The following EXOC4 variants were observed in gnomAD, a reference collection of about 807,000 sequenced individuals.
EXOC4 encodes the protein SEC8-like 1.
Under a neutral mutation model 107.2 loss-of-function variants are expected in EXOC4, and 71 were observed. That is an observed-to-expected ratio of 0.66 (90% CI 0.55 to 0.81). EXOC4 has a LOEUF of 0.81. Ranked by LOEUF, EXOC4 falls within the 30% of genes least tolerant of loss-of-function variation. EXOC4 has a pLI of 0.00. For synonymous variants in EXOC4, 456 were observed against 441.2 expected, an observed-to-expected ratio of 1.03 and a Z score of -0.42; for missense variants, 1,108 against 1,189.6, an observed-to-expected ratio of 0.93 and a Z score of 1.01.
chr7:133,916,814 A>G (rs1459286757), intron 12 of EXOC4, among the ~76,000 whole-genome samples: 1 of 152,200 alleles, frequency 6.6e-6, no homozygotes, highest in African/African-American at 2.4e-5. Flanking sequence ...AGTATTGCTG[A>G]CGAGGATATT....
At chr7:133,797,651 GT>G (rs1208791408) in intron 10 of EXOC4, among the ~76,000 whole-genome samples, 1 of 152,178 alleles carries the variant, frequency 6.6e-6, no homozygotes, top group African/African-American at 2.4e-5. Flanking sequence ...TGGGGAAGAA[GT>G]AGTAAAGACA....
rs181767900 is a variant in EXOC4 at position 133,991,780 on chromosome 7, C to T, written c.2207-5712C>T. Among the ~76,000 whole-genome samples, 28 of 152,222 alleles carry T rather than the reference C, an allele frequency of 1.8e-4. No homozygotes were observed. In the East Asian group the frequency reaches 5.0e-3, roughly 27 times the overall value. ...GGCTGTTAAGTGTGTGAGTTTATTT[C>T]TGGGTTCTCTATTCTGTTCCATTGG... is the stretch of plus-strand genomic sequence containing the variant. On this transcript the variant is annotated intron_variant, in intron 14 of 17. Transcript: ENST00000253861.
chr7:133,656,800 A>G (rs1271935257), intron 10 of EXOC4, among the ~76,000 whole-genome samples: 1 of 152,204 alleles, frequency 6.6e-6, no homozygotes, highest in Non-Finnish European at 1.5e-5. Flanking sequence ...ATGATATAGT[A>G]TAGCTTTGTA....
chr7:133,787,067 G>C (rs979860415), intron 10 of EXOC4, among the ~76,000 whole-genome samples: 1 of 151,960 alleles, frequency 6.6e-6, no homozygotes, highest in African/African-American at 2.4e-5. Flanking sequence ...TGCTTTAGGC[G>C]TAAAAGATTC....
At chr7:133,771,617 G>A (rs1355749432) in intron 10 of EXOC4, 2 of 151,960 alleles carry the variant, frequency 1.3e-5, no homozygotes, top group Non-Finnish European at 2.9e-5. Context: ...AGAAAATAAG[G>A]CTTGTAAGTA....
intron 10 of EXOC4, among the ~76,000 whole-genome samples, chr7:133,680,724 T>TA (rs1412413197): frequency 1.3e-5 from 2 of 152,230 alleles, no homozygotes; most frequent in African/African-American, 4.8e-5. Flanking sequence ...TGAATACATT[T>TA]AAGCCCCTAA....
chr7:133,516,848 G>A (rs1391637459), intron 9 of EXOC4, among the ~76,000 whole-genome samples: 2 of 136,230 alleles, frequency 1.5e-5, no homozygotes, highest in Non-Finnish European at 3.1e-5. Flanking sequence ...TGTCTTCAAG[G>A]TGAGTTGTTT....
At chr7:133,799,983 T>A (rs896266691) in intron 10 of EXOC4, among the ~76,000 whole-genome samples, 15 of 152,230 alleles carry the variant, frequency 9.9e-5, no homozygotes, top group African/African-American at 3.6e-4. Flanking sequence ...GCTGTAGCTT[T>A]ATAGAAGGCA....
At chr7:133,354,088 C>A (rs1390267970) in intron 5 of EXOC4, among the ~76,000 whole-genome samples, 2 of 151,680 alleles carry the variant, frequency 1.3e-5, no homozygotes, top group Non-Finnish European at 2.9e-5. Context: ...TTAAAAAAAA[C>A]TTTTTAAAAG....
chr7:133,406,350 T>A (rs931791808), intron 7 of EXOC4, among the ~76,000 whole-genome samples: 3 of 148,796 alleles, frequency 2.0e-5, no homozygotes, highest in African/African-American at 7.3e-5. Context: ...GAAAATCACT[T>A]TTTTTTTGTA....
chr7:133,917,581 A>G lies in EXOC4; in HGVS notation c.1872-2A>G, dbSNP rs1232169936. 2 of 1,613,660 alleles carry G rather than the reference A, an allele frequency of 1.2e-6. No homozygotes were observed. The highest frequency in any genetic ancestry group is 2.7e-5 in the African/African-American group (2 of 74,916). On this transcript the variant is annotated splice_acceptor_variant, in intron 12 of 17. Transcript: ENST00000253861. LOFTEE classifies it high-confidence loss of function. Reference sequence around the variant, plus strand: ...TGTCTCTTTTCTATTGGCTGTGTTTAGGGGTATTGTCCAGTCAGAAGAAAA... The same window carrying G: ...TGTCTCTTTTCTATTGGCTGTGTTTGGGGGTATTGTCCAGTCAGAAGAAAA...
intron 9 of EXOC4, among the ~76,000 whole-genome samples, chr7:133,534,304 G>A (rs1282892768): frequency 1.3e-5 from 2 of 152,198 alleles, no homozygotes; most frequent in Middle Eastern, 3.4e-3. Flanking sequence ...ATATGTTTTT[G>A]TTCTGTTTCC....
chr7:133,539,525 C>G (rs1800340013), intron 9 of EXOC4, among the ~76,000 whole-genome samples: 1 of 150,382 alleles, frequency 6.6e-6, no homozygotes, highest in Non-Finnish European at 1.5e-5. Context: ...GCATTCTCTT[C>G]CATGTTGATT....
chr7:133,702,313 G>A (rs867668920), intron 10 of EXOC4, among the ~76,000 whole-genome samples: 2 of 26,080 alleles, frequency 7.7e-5, no homozygotes, highest in Middle Eastern at 0.038. Flanking sequence ...CGCCACCAAC[G>A]ATGCTGGTTT....
At chr7:133,560,113 C>A (rs888749522) in intron 9 of EXOC4, among the ~76,000 whole-genome samples, 1 of 152,012 alleles carries the variant, frequency 6.6e-6, no homozygotes, top group Non-Finnish European at 1.5e-5. Context: ...CAAGTACTTT[C>A]TCATTTTTTT....
At chr7:133,924,565 T>C (rs2116668033) in intron 13 of EXOC4, among the ~76,000 whole-genome samples, 1 of 152,346 alleles carries the variant, frequency 6.6e-6, no homozygotes, top group Admixed American at 6.5e-5. Flanking sequence ...ACTTTCTATC[T>C]TAAATTTGAA....
chr7:133,598,440 TAGCAGCCACA>T (rs1801732773), intron 9 of EXOC4, among the ~76,000 whole-genome samples: 1 of 152,228 alleles, frequency 6.6e-6, no homozygotes, highest in African/African-American at 2.4e-5. Flanking sequence ...CTGTCTGGCA[TAGCAGCCACA>T]AGTCACCTGA....
In EXOC4 at chr7:133,719,368, A is replaced by G. The variant is rs151325285; in HGVS notation, c.1514+89227A>G. 1.9e-3 allele frequency among the ~76,000 whole-genome samples: 288 copies of G among 152,282 alleles called. 1 individual carries two copies. The highest frequency in any genetic ancestry group is 6.7e-3 in the African/African-American group (278 of 41,554). ...AAAACGAACTAATACACTATGACAC[A>G]TAGAAGAATTTTTAGGAAAAATAGT... is the stretch of plus-strand genomic sequence containing the variant. On this transcript the variant is annotated intron_variant, in intron 10 of 17. Coordinates refer to ENST00000253861, the MANE Select transcript of EXOC4 (RefSeq NM_021807.4).
chr7:133,467,933 A>G (rs1214493943), intron 7 of EXOC4, among the ~76,000 whole-genome samples: 3 of 152,010 alleles, frequency 2.0e-5, no homozygotes, highest in African/African-American at 7.2e-5. Flanking sequence ...TATTGTACTC[A>G]TTCATGTGTG....
Sources: gnomAD v4.1 joint callset for allele counts (sites outside exome capture counted in the v4.1 genomes callset) on GRCh38, gnomAD v4.1.1 for gene constraint, MANE v1.5 for transcripts, NCBI Gene and HGNC (gene_info 2026-07-23, HGNC 2026-07-21) for gene names.